Variants in EPHA7 observed in about 807,000 individuals in gnomAD.
EPHA7 encodes EPH receptor A7, also known as ephrin type-A receptor 7.
EPHA7 carries 25 observed loss-of-function variants against 112.6 expected under a neutral mutation model. The observed-to-expected ratio is 0.22, with a 90% CI of 0.16 to 0.31. The LOEUF is 0.31. Among genes scored for constraint, EPHA7 ranks in the 10% least tolerant of loss-of-function variants. The probability of loss-of-function intolerance (pLI) is 1.00; values close to 1 mark genes in which losing one functional copy is unlikely to be tolerated. For missense variants in EPHA7, 962 were observed against 1,212.6 expected, an observed-to-expected ratio of 0.79 and a Z score of 3.07; for synonymous variants, 437 against 406.5, an observed-to-expected ratio of 1.07 and a Z score of -0.90.
chr6:93,338,454 G>C (rs1243082696), intron 5 of EPHA7, among the ~76,000 whole-genome samples: 1 of 152,014 alleles, frequency 6.6e-6, no homozygotes, highest in Non-Finnish European at 1.5e-5. Flanking sequence ...TGATTCCTAT[G>C]TCACCTCTGA....
intron 14 of EPHA7, among the ~76,000 whole-genome samples, chr6:93,252,529 C>T (rs901247008): frequency 6.6e-6 from 1 of 151,852 alleles, no homozygotes; most frequent in Admixed American, 6.6e-5. Context: ...TGAACTCCTA[C>T]CACAGATTCC....
rs1013414433 is a variant in EPHA7, at chr6:93,243,678, C to T, written c.2883-138G>A. On this transcript the variant is annotated intron_variant, in intron 16 of 16. Transcript: ENST00000369303. ...TTAGTGTTCTTGGGTATTATGATCA[C>T]ACCCCTGCAGCAGATCAGAATTGTA... 1.1e-5 allele frequency: 7 copies of T among 626,156 alleles called. No individual in the cohort carries two copies. The African/African-American group carries it at 1.3e-4, about 11-fold the overall frequency. The allele number at this position is 626,156 out of a possible 1,614,324, so 38.8% of individuals were successfully genotyped here.
chr6:93,350,207 G>C (rs1341434233), intron 5 of EPHA7, among the ~76,000 whole-genome samples: 1 of 151,970 alleles, frequency 6.6e-6, no homozygotes, highest in Non-Finnish European at 1.5e-5. Flanking sequence ...ATCCCACAAA[G>C]ATTACATTTG....
chr6:93,417,200 G>A (rs1050193291), intron 1 of EPHA7, among the ~76,000 whole-genome samples: 8 of 152,190 alleles, frequency 5.3e-5, no homozygotes, highest in Non-Finnish European at 8.8e-5. Context: ...CAAGGAAAGT[G>A]AGGGAAGGGG....
At chr6:93,359,208 T>C (rs1462991832) in intron 3 of EPHA7, among the ~76,000 whole-genome samples, 18 of 152,154 alleles carry the variant, frequency 1.2e-4, no homozygotes, top group Admixed American at 1.2e-3. Context: ...CGAGCATTTC[T>C]GCCACCTCCT....
intron 3 of EPHA7, among the ~76,000 whole-genome samples, chr6:93,372,298 A>G (rs1776840044): frequency 6.6e-6 from 1 of 152,072 alleles, no homozygotes; most frequent in African/African-American, 2.4e-5. Context: ...GCACAGCAAA[A>G]CAAAGGGTAA....
intron 3 of EPHA7, among the ~76,000 whole-genome samples, chr6:93,385,441 T>C (rs927249792): frequency 6.6e-6 from 1 of 152,144 alleles, no homozygotes; most frequent in African/African-American, 2.4e-5. Flanking sequence ...TCTACATTTA[T>C]AGTAGTATAT....
intron 5 of EPHA7, among the ~76,000 whole-genome samples, chr6:93,290,087 G>C (rs1772282039): frequency 6.6e-6 from 1 of 151,868 alleles, no homozygotes; most frequent in Non-Finnish European, 1.5e-5. Flanking sequence ...TCTAAGCCAA[G>C]AGTTTCCTTT....
intron 1 of EPHA7, among the ~76,000 whole-genome samples, chr6:93,416,067 T>A (rs1053362426): frequency 6.7e-6 from 1 of 148,632 alleles, no homozygotes; most frequent in African/African-American, 2.5e-5. Flanking sequence ...GTTTTACACT[T>A]AAGACTCTCA....
chr6:93,367,959 T>A (rs1418807802), intron 3 of EPHA7, among the ~76,000 whole-genome samples: 1 of 152,080 alleles, frequency 6.6e-6, no homozygotes, highest in Non-Finnish European at 1.5e-5. Context: ...AAATAAGAAA[T>A]ACAAATTAGT....
intron 5 of EPHA7, among the ~76,000 whole-genome samples, chr6:93,282,105 T>C (rs920694304): frequency 5.9e-5 from 9 of 152,156 alleles, no homozygotes; most frequent in Non-Finnish European, 1.2e-4. Context: ...TGGAAATTCA[T>C]AGATTTGGTT....
chr6:93,252,179 C>T (rs1007395839), intron 14 of EPHA7, among the ~76,000 whole-genome samples: 3 of 151,954 alleles, frequency 2.0e-5, no homozygotes, highest in African/African-American at 7.2e-5. Flanking sequence ...CTCACTTTAT[C>T]CAGCATTCAG....
chr6:93,381,731 CT>C (rs3839556), intron 3 of EPHA7, among the ~76,000 whole-genome samples: 1 of 148,798 alleles, frequency 6.7e-6, no homozygotes. Context: ...CTTTTTATTT[CT>C]TTTTTTTTTC....
chr6:93,244,819 A>C (rs1769874999), intron 16 of EPHA7, among the ~76,000 whole-genome samples: 1 of 152,150 alleles, frequency 6.6e-6, no homozygotes, highest in African/African-American at 2.4e-5. Context: ...TTCAGCATTG[A>C]GTATAAAGTT....
intron 5 of EPHA7, among the ~76,000 whole-genome samples, chr6:93,283,871 A>T (rs1362703513): frequency 2.6e-5 from 4 of 152,250 alleles, no homozygotes; most frequent in African/African-American, 4.8e-5. Context: ...GATCAAGGAA[A>T]ATAAAGATAT....
intron 1 of EPHA7, among the ~76,000 whole-genome samples, chr6:93,418,890 C>T (rs1414620420): frequency 6.6e-6 from 1 of 152,172 alleles, no homozygotes; most frequent in African/African-American, 2.4e-5. Flanking sequence ...CAAGGAAGAC[C>T]GAGCTAGAGA....
In EPHA7 at chr6:93,419,246, T is replaced by A; in HGVS notation, c.96A>T (p.Glu32Asp). ...AHTGEAQAAK[E>D]VLLLDSKAQQ... is the part of the protein sequence containing the mutation. ...AACTTTGCTTTCCCATCACCTTACC[T>A]TCCTTCGCAGCCTGCGCCTCCCCTG... The change falls in exon 1 of 17, where the codon GAA becomes GAT. Residue 32 changes from glutamate (E) to aspartate (D), a missense_variant and splice_region_variant. Coordinates refer to ENST00000369303, the MANE Select transcript of EPHA7 (RefSeq NM_004440.4). The A allele has an allele frequency of 6.2e-7, 1 of 1,613,068 alleles. No individual in the cohort carries two copies. Among genetic ancestry groups the A allele is most frequent in the East Asian group, 2.2e-5 (1 of 44,722 alleles).
intron 3 of EPHA7, among the ~76,000 whole-genome samples, chr6:93,376,424 A>C (rs575256526): frequency 2.0e-5 from 3 of 152,258 alleles, no homozygotes; most frequent in Admixed American, 2.0e-4. Flanking sequence ...TACAGGCATA[A>C]GTCACCACGC....
chr6:93,397,342 A>G (rs1448214818), intron 3 of EPHA7, among the ~76,000 whole-genome samples: 1 of 151,878 alleles, frequency 6.6e-6, no homozygotes, highest in Non-Finnish European at 1.5e-5. Context: ...TTCTTTCTAT[A>G]AAACAGAGTA....
Sources: gnomAD v4.1 joint callset for allele counts (sites outside exome capture counted in the v4.1 genomes callset) on GRCh38, gnomAD v4.1.1 for gene constraint, MANE v1.5 for transcripts, NCBI Gene and HGNC (gene_info 2026-07-23, HGNC 2026-07-21) for gene names.